The following CLTCL1 variants were observed in gnomAD, a reference collection of about 807,000 sequenced individuals.
CLTCL1 encodes clathrin heavy chain 2.
Under a neutral mutation model 190.0 loss-of-function variants are expected in CLTCL1, and 159 were observed. The observed-to-expected ratio is 0.84, with a 90% CI of 0.74 to 0.95. The LOEUF (loss-of-function observed/expected upper bound fraction) is 0.95. Ranked by LOEUF, CLTCL1 falls within the 40% of genes least tolerant of loss-of-function variation. CLTCL1 has a pLI of 0.00. For synonymous variants in CLTCL1, 752 were observed against 769.6 expected, an observed-to-expected ratio of 0.98 and a Z score of 0.38; for missense variants, 1,878 against 2,033.4, an observed-to-expected ratio of 0.92 and a Z score of 1.47.
intron 2 of CLTCL1, among the ~76,000 whole-genome samples, chr22:19,262,646 A>C (rs1555976130): frequency 1.3e-5 from 2 of 150,968 alleles, no homozygotes; most frequent in East Asian, 4.0e-4. Context: ...AAAAAAAAAA[A>C]ATTGCCACAG....
At chr22:19,201,298 A>G (rs1555939076) in intron 23 of CLTCL1, 31 bp downstream of exon 23, 2 of 1,587,426 alleles carry the variant, frequency 1.3e-6, no homozygotes, top group Admixed American at 3.6e-5. Flanking sequence ...TGTCCAGCAC[A>G]CTCTGCCGTC....
chr22:19,199,843 T>C lies in CLTCL1; in HGVS notation c.3766-2A>G. ...TCCATCCATGCAGGCAAAGCACACC[T>C]AGGGGACGGAGGGCAAGCGTGAGGG... On this transcript the variant is annotated splice_acceptor_variant, in intron 23 of 32. Transcript: ENST00000427926. LOFTEE classifies it high-confidence loss of function. 6.3e-7 allele frequency: 1 copy of C among 1,585,742 alleles called. No homozygotes were observed. Among genetic ancestry groups the C allele is most frequent in the Non-Finnish European group, 8.6e-7 (1 of 1,166,122 alleles).
At chr22:19,244,334 G>T (rs995768531) in intron 3 of CLTCL1, among the ~76,000 whole-genome samples, 1 of 152,186 alleles carries the variant, frequency 6.6e-6, no homozygotes, top group Admixed American at 6.6e-5. Context: ...AAGAAGCCAG[G>T]CATGAAAGGC....
chr22:19,263,364 T>A (rs2087016124), intron 2 of CLTCL1, among the ~76,000 whole-genome samples: 1 of 151,852 alleles, frequency 6.6e-6, no homozygotes, highest in Non-Finnish European at 1.5e-5. Flanking sequence ...CTGAAAGTAC[T>A]AGGATTAGAG....
intron 4 of CLTCL1, among the ~76,000 whole-genome samples, chr22:19,240,099 A>G (rs2086205338): frequency 6.6e-6 from 1 of 151,456 alleles, no homozygotes; most frequent in Admixed American, 6.6e-5. Context: ...CAGATTACAG[A>G]TGCATGCCAC....
At chr22:19,284,427 G>A (rs1349774051) in intron 1 of CLTCL1, among the ~76,000 whole-genome samples, 7 of 152,168 alleles carry the variant, frequency 4.6e-5, no homozygotes, top group African/African-American at 7.2e-5. Context: ...TTGGGAGGCC[G>A]AGGCGGGTGG....
chr22:19,207,539 C>A, intron 22 of CLTCL1: 1 of 401,992 alleles, frequency 2.5e-6, no homozygotes, highest in South Asian at 1.2e-4. Context: ...GCTTGCTTCT[C>A]ATGATCTTTA....
intron 3 of CLTCL1, among the ~76,000 whole-genome samples, chr22:19,249,552 C>T (rs1321672400): frequency 2.7e-5 from 4 of 150,790 alleles, no homozygotes; most frequent in Admixed American, 1.3e-4. Flanking sequence ...AAAAATTAGC[C>T]AGGCATGGTG....
chr22:19,225,114 G>A (rs1555955014), intron 13 of CLTCL1, among the ~76,000 whole-genome samples: 1 of 152,184 alleles, frequency 6.6e-6, no homozygotes, highest in Non-Finnish European at 1.5e-5. Context: ...GGGCTGTAAA[G>A]ACCAGACATC....
At chr22:19,271,056 G>C (rs1238060290) in intron 2 of CLTCL1, among the ~76,000 whole-genome samples, 3 of 152,030 alleles carry the variant, frequency 2.0e-5, no homozygotes, top group Non-Finnish European at 4.4e-5. Context: ...TAGGTGAGGA[G>C]GGGGCCTCCA....
chr22:19,227,654 C>A (rs1555956837), intron 11 of CLTCL1, among the ~76,000 whole-genome samples: 2 of 152,084 alleles, frequency 1.3e-5, no homozygotes, highest in African/African-American at 4.8e-5. Context: ...AGGGTTTCAC[C>A]ATGTTGGCCA....
chr22:19,211,306 G>C (rs565964161), intron 19 of CLTCL1, among the ~76,000 whole-genome samples: 348 of 152,260 alleles, frequency 2.3e-3, no homozygotes, highest in Non-Finnish European at 3.6e-3. Flanking sequence ...AACATCATAA[G>C]TAACAGAGTC....
rs1555993801 is a variant in CLTCL1 at position 19,291,582 on chromosome 22, C to T, written c.42+18G>A. 16 of 1,370,570 alleles carry T rather than the reference C, an allele frequency of 1.2e-5. No homozygotes were observed. Among genetic ancestry groups the T allele is most frequent in the Non-Finnish European group, 1.5e-5 (16 of 1,048,392 alleles). 84.9% of individuals were successfully genotyped at this position (1,370,570 alleles called of 1,614,324 possible). ...AGGCGCGGCTGACAGGGCAGCCCCC[C>T]AGCCCGCCGGGCCTCACCTGGAAGT... On this transcript the variant is annotated intron_variant, in intron 1 of 32. Coordinates refer to ENST00000427926, the MANE Select transcript of CLTCL1 (RefSeq NM_007098.4).
At chr22:19,183,742 A>C in intron 29 of CLTCL1, 131 bp from the exon 30 acceptor site, 2 of 875,236 alleles carry the variant, frequency 2.3e-6, no homozygotes, top group Non-Finnish European at 3.5e-6. Context: ...GCAAGCCTGG[A>C]CCCATGGCTG....
intron 1 of CLTCL1, among the ~76,000 whole-genome samples, chr22:19,289,086 A>G (rs1211721811): frequency 6.6e-6 from 1 of 152,128 alleles, no homozygotes; most frequent in African/African-American, 2.4e-5. Flanking sequence ...CGGGTTCAAG[A>G]GATTCTCCCG....
At chr22:19,276,622 C>A (rs1261159897) in intron 1 of CLTCL1, among the ~76,000 whole-genome samples, 2 of 152,152 alleles carry the variant, frequency 1.3e-5, no homozygotes, top group African/African-American at 4.8e-5. Context: ...CTATAAATTT[C>A]TCTGCTCTGA....
intron 2 of CLTCL1, among the ~76,000 whole-genome samples, chr22:19,272,270 G>A (rs1442956912): frequency 5.3e-5 from 8 of 152,118 alleles, no homozygotes; most frequent in African/African-American, 1.9e-4. Flanking sequence ...TGGTTTTAAA[G>A]AATTCACCAC....
At chr22:19,266,197 T>C (rs1555977884) in intron 2 of CLTCL1, among the ~76,000 whole-genome samples, 1 of 151,886 alleles carries the variant, frequency 6.6e-6, no homozygotes, top group Admixed American at 6.6e-5. Flanking sequence ...CCTTAGTTAA[T>C]GATCAAGAAA....
chr22:19,208,676 T>C (rs1465397686), intron 21 of CLTCL1, among the ~76,000 whole-genome samples: 1 of 151,748 alleles, frequency 6.6e-6, no homozygotes, highest in Admixed American at 6.6e-5. Flanking sequence ...GTGGCGATAT[T>C]GAGATATCTA....
Sources: allele counts gnomAD v4.1 joint callset (sites outside exome capture counted in the v4.1 genomes callset), GRCh38; gene constraint gnomAD v4.1.1; transcripts MANE v1.5; gene names NCBI Gene and HGNC (gene_info 2026-07-23, HGNC 2026-07-21).